RAPGEF4: variants seen among roughly 807,000 people sequenced by gnomAD.
RAPGEF4 encodes the protein Rap guanine nucleotide exchange factor 4, also known as RAP guanine-nucleotide-exchange factor (GEF) 4.
A neutral mutation model predicts 147.9 loss-of-function variants in RAPGEF4; 66 were observed. The ratio of observed to expected loss-of-function variants is 0.45; its 90% CI spans 0.37 to 0.55. The LOEUF (loss-of-function observed/expected upper bound fraction) is 0.55. Ranked by LOEUF, RAPGEF4 falls within the 20% of genes least tolerant of loss-of-function variation. The pLI is 0.00. For synonymous variants in RAPGEF4, 419 were observed against 442.7 expected (o/e 0.95, Z 0.67); for missense variants, 1,071 against 1,257.3 (o/e 0.85, Z 2.24).
rs899131022 is a variant in RAPGEF4 at position 173,005,374 on chromosome 2, G to C, written c.1658+4030G>C. Among the ~76,000 whole-genome samples the C allele has an allele frequency of 1.6e-4, 24 of 152,060 alleles. 1 individual carries two copies. The highest frequency in any genetic ancestry group is 6.3e-3 in the Middle Eastern group (2 of 316). ...CTTCAGTTTAGTAAGTGATCACAACGAAGTCAATACTATTTTGAATTTTAA... is the reference window on the plus strand; with the variant it reads ...CTTCAGTTTAGTAAGTGATCACAACCAAGTCAATACTATTTTGAATTTTAA... On this transcript the variant is annotated intron_variant, in intron 17 of 30. Transcript: ENST00000397081.
chr2:172,889,582 A>G (rs1371904320), intron 4 of RAPGEF4, among the ~76,000 whole-genome samples: 2 of 151,972 alleles, frequency 1.3e-5, no homozygotes, highest in Non-Finnish European at 2.9e-5. Flanking sequence ...ACAAGGGGAC[A>G]TGTTTATACG....
At chr2:173,009,310 T>C (rs1383619910) in intron 17 of RAPGEF4, among the ~76,000 whole-genome samples, 1 of 152,220 alleles carries the variant, frequency 6.6e-6, no homozygotes, top group East Asian at 1.9e-4. Context: ...AGATACAGCA[T>C]TCCAAACAGT....
At position 172,795,112 on chromosome 2, in the gene RAPGEF4, C is replaced by G; in HGVS notation, c.153C>G (p.Leu51=). ...CTTTTGAGAAATTTCACCCAAATCT[C>G]CTTCATCAGATTTGCTTATGTGGTT... ...VKAFEKFHPN[L]LHQICLCGYY... Residue 51 remains leucine, a synonymous_variant, in exon 2 of 31, where the codon CTC becomes CTG. Transcript: ENST00000397081. 1.2e-6 allele frequency: 2 copies of G among 1,612,472 alleles called. No individual in the cohort carries two copies. The highest frequency in any genetic ancestry group is 1.7e-6 in the Non-Finnish European group (2 of 1,178,542).
chr2:172,983,716 G>T, intron 11 of RAPGEF4, 136 bp downstream of exon 11: 1 of 1,415,622 alleles, frequency 7.1e-7, no homozygotes. Flanking sequence ...ACTCTCTTAC[G>T]AGATGCTGAG....
At chr2:172,957,756 A>G (rs565545617) in intron 6 of RAPGEF4, among the ~76,000 whole-genome samples, 2 of 152,334 alleles carry the variant, frequency 1.3e-5, no homozygotes, top group East Asian at 3.9e-4. Context: ...CTGCCTTTCA[A>G]CAGATGAAAT....
At chr2:172,759,162 A>T (rs1478404178) in intron 1 of RAPGEF4, among the ~76,000 whole-genome samples, 1 of 152,228 alleles carries the variant, frequency 6.6e-6, no homozygotes, top group Non-Finnish European at 1.5e-5. Flanking sequence ...CTTACAGGTG[A>T]TATGGCTAGT....
intron 14 of RAPGEF4, among the ~76,000 whole-genome samples, chr2:172,989,247 A>G (rs1692581420): frequency 6.6e-6 from 1 of 151,988 alleles, no homozygotes; most frequent in African/African-American, 2.4e-5. Flanking sequence ...TCTTTCCTAG[A>G]CCTTCCTAGT....
At chr2:172,984,979 G>A (rs563230305) in intron 11 of RAPGEF4, among the ~76,000 whole-genome samples, 23 of 152,300 alleles carry the variant, frequency 1.5e-4, no homozygotes, top group African/African-American at 4.1e-4. Context: ...GAATATAAAT[G>A]TGTTCGTTCA....
intron 4 of RAPGEF4, among the ~76,000 whole-genome samples, chr2:172,875,216 T>C (rs1278301379): frequency 4.6e-5 from 7 of 152,224 alleles, no homozygotes; most frequent in African/African-American, 1.7e-4. Context: ...ACCCTGATGG[T>C]AGTTTCTTTT....
intron 17 of RAPGEF4, among the ~76,000 whole-genome samples, chr2:173,009,092 C>T (rs1694769832): frequency 6.6e-6 from 1 of 152,158 alleles, no homozygotes; most frequent in Admixed American, 6.5e-5. Flanking sequence ...GTTTGTCATC[C>T]TGTAGATTAA....
intron 13 of RAPGEF4, 46 bp downstream of exon 13, chr2:172,988,318 C>T (rs556877454): frequency 6.4e-7 from 1 of 1,574,044 alleles, no homozygotes; most frequent in Non-Finnish European, 8.6e-7. Flanking sequence ...GCTCCACTTA[C>T]TAGTGTGGCT....
intron 1 of RAPGEF4, among the ~76,000 whole-genome samples, chr2:172,786,231 T>C (rs1011478401): frequency 1.2e-4 from 19 of 152,142 alleles, no homozygotes; most frequent in Admixed American, 8.5e-4. Context: ...ATGCCTGACT[T>C]TGATAGTTTC....
At chr2:172,788,340 T>A (rs1685448744) in intron 1 of RAPGEF4, among the ~76,000 whole-genome samples, 1 of 152,244 alleles carries the variant, frequency 6.6e-6, no homozygotes. Context: ...AGAGATGTTA[T>A]CAATTGGATT....
intron 3 of RAPGEF4, among the ~76,000 whole-genome samples, chr2:172,801,664 G>T (rs573514560): frequency 1.2e-3 from 190 of 152,284 alleles, no homozygotes; most frequent in Middle Eastern, 0.01. Flanking sequence ...TAAAGCTGCT[G>T]GGTATCTGGG....
At chr2:172,740,773 C>T (rs888013753) in intron 1 of RAPGEF4, among the ~76,000 whole-genome samples, 1 of 152,206 alleles carries the variant, frequency 6.6e-6, no homozygotes, top group East Asian at 1.9e-4. Context: ...GCTGGTCTTG[C>T]AATCTCAGAA....
intron 1 of RAPGEF4, among the ~76,000 whole-genome samples, chr2:172,756,252 G>T (rs1184225655): frequency 6.6e-6 from 1 of 152,194 alleles, no homozygotes; most frequent in Non-Finnish European, 1.5e-5. Context: ...CCTTAATTCT[G>T]AGTTTAGGAG....
At chr2:172,885,552 T>A (rs1697110093) in intron 4 of RAPGEF4, among the ~76,000 whole-genome samples, 1 of 152,146 alleles carries the variant, frequency 6.6e-6, no homozygotes, top group African/African-American at 2.4e-5. Context: ...GGCCTCATAA[T>A]CATGGCAGAA....
intron 4 of RAPGEF4, among the ~76,000 whole-genome samples, chr2:172,848,249 C>G (rs1390661515): frequency 6.6e-6 from 1 of 152,136 alleles, no homozygotes; most frequent in African/African-American, 2.4e-5. Flanking sequence ...GCAGTGACAC[C>G]TGGTTCTAAT....
At position 172,817,554 on chromosome 2, in the gene RAPGEF4, G is replaced by A. The variant is rs551363385; in HGVS notation, c.444+3129G>A. Among the ~76,000 whole-genome samples, 43 of 152,162 alleles carry A rather than the reference G, an allele frequency of 2.8e-4. No individual in the cohort carries two copies. In the South Asian group the frequency reaches 3.5e-3, roughly 13 times the overall value. Reference sequence around the variant, plus strand: ...AAATATCAAAAGGGAAGAACTATACGGGGAACAATTATGTATTCAGGATTC... The same window carrying A: ...AAATATCAAAAGGGAAGAACTATACAGGGAACAATTATGTATTCAGGATTC... On this transcript the variant is annotated intron_variant, in intron 4 of 30. Coordinates refer to ENST00000397081, the MANE Select transcript of RAPGEF4 (RefSeq NM_007023.4).
Sources: gnomAD v4.1 joint callset for allele counts (sites outside exome capture counted in the v4.1 genomes callset) on GRCh38, gnomAD v4.1.1 for gene constraint, MANE v1.5 for transcripts, NCBI Gene and HGNC (gene_info 2026-07-23, HGNC 2026-07-21) for gene names.